C12orf42: variants seen among roughly 807,000 people sequenced by gnomAD.
C12orf42 encodes chromosome 12 open reading frame 42.
C12orf42 carries 25 observed loss-of-function variants against 21.6 expected under a neutral mutation model. The observed-to-expected ratio is 1.16, with a 90% CI of 0.84 to 1.62. C12orf42 has a LOEUF of 1.62. Among genes scored for constraint, C12orf42 ranks in the 40% most tolerant of loss-of-function variants. The pLI is 0.00. For missense variants in C12orf42, 483 were observed against 459.3 expected (o/e 1.05, Z -0.47); for synonymous variants, 174 against 175.0 (o/e 0.99, Z 0.05).
At chr12:103,527,472 T>C in the C12orf42 span, among the ~76,000 whole-genome samples, 4 of 152,208 alleles carry the variant, frequency 2.6e-5, no homozygotes, top group East Asian at 5.8e-4. Context: ...GTCAACATTA[T>C]AGAGCTTCTA....
chr12:103,373,335 T>A (rs1433457760), intron 3 of C12orf42, among the ~76,000 whole-genome samples: 1 of 152,148 alleles, frequency 6.6e-6, no homozygotes, highest in African/African-American at 2.4e-5. Flanking sequence ...AGATTGCAAA[T>A]ATTTAAAAGA....
the C12orf42 span, among the ~76,000 whole-genome samples, chr12:103,551,466 A>G: frequency 2.6e-5 from 4 of 152,146 alleles, no homozygotes; most frequent in Non-Finnish European, 4.4e-5. Context: ...GCAGTGAGCC[A>G]TAATCATGCC....
At position 103,399,797 on chromosome 12, in the gene C12orf42, T is replaced by C. The variant is rs146800843; in HGVS notation, c.147+1810A>G. Among the ~76,000 whole-genome samples, 312 of 152,216 alleles carry C rather than the reference T, an allele frequency of 2.0e-3. 8 individuals are homozygous for C. The East Asian group carries it at 0.052, about 25-fold the overall frequency. ...TGGTCAGTAAATACAATATGTAAGG[T>C]ATAATACTGGAATACATACACACAG... is the stretch of plus-strand genomic sequence containing the variant. On this transcript the variant is annotated intron_variant, in intron 3 of 5. Coordinates refer to ENST00000548883, the MANE Select transcript of C12orf42 (RefSeq NM_198521.5).
the C12orf42 span, among the ~76,000 whole-genome samples, chr12:103,519,432 T>C: frequency 6.6e-6 from 1 of 152,154 alleles, no homozygotes; most frequent in Non-Finnish European, 1.5e-5. Flanking sequence ...TCTCAATAGA[T>C]ATGTTTTTAC....
At chr12:103,441,512 C>A (rs536943613) in intron 2 of C12orf42, 7 of 152,214 alleles carry the variant, frequency 4.6e-5, no homozygotes, top group African/African-American at 1.7e-4. Flanking sequence ...TTTCTGAACT[C>A]GGATATCTCT....
At chr12:103,331,703 T>C (rs1393622118) in intron 4 of C12orf42, among the ~76,000 whole-genome samples, 1 of 152,072 alleles carries the variant, frequency 6.6e-6, no homozygotes, top group African/African-American at 2.4e-5. Flanking sequence ...AATGCAAAAT[T>C]GAACAAAACA....
the C12orf42 span, among the ~76,000 whole-genome samples, chr12:103,521,147 C>A: frequency 6.6e-6 from 1 of 152,192 alleles, no homozygotes; most frequent in Admixed American, 6.5e-5. Flanking sequence ...ATAATTAATT[C>A]AGGGACCATT....
At chr12:103,304,483 A>C (rs1288790592) in intron 5 of C12orf42, among the ~76,000 whole-genome samples, 1 of 152,202 alleles carries the variant, frequency 6.6e-6, no homozygotes, top group African/African-American at 2.4e-5. Flanking sequence ...GAAATGAGAA[A>C]GGAAACTAGC....
At chr12:103,365,695 G>A (rs754194015) in intron 4 of C12orf42, among the ~76,000 whole-genome samples, 2 of 151,854 alleles carry the variant, frequency 1.3e-5, no homozygotes, top group African/African-American at 2.4e-5. Context: ...ACCAAGCTAA[G>A]AATCAAATAA....
downstream of C12orf42, among the ~76,000 whole-genome samples, chr12:103,266,118 C>T (rs1331688788): frequency 6.6e-6 from 1 of 152,186 alleles, no homozygotes; most frequent in East Asian, 1.9e-4. Flanking sequence ...TATTAGCCTC[C>T]TCAAATGCTT....
chr12:103,109,951 A>G, the C12orf42 span, among the ~76,000 whole-genome samples: 1 of 152,220 alleles, frequency 6.6e-6, no homozygotes, highest in African/African-American at 2.4e-5. Context: ...AGTAACCAGG[A>G]AAATTTCAGT....
downstream of C12orf42, among the ~76,000 whole-genome samples, chr12:103,299,351 TATA>T (rs2037507718): frequency 6.6e-6 from 1 of 151,584 alleles, no homozygotes; most frequent in Non-Finnish European, 1.5e-5. Flanking sequence ...TAGCTGTTAT[TATA>T]ATTATTATTT....
intron 2 of C12orf42, among the ~76,000 whole-genome samples, chr12:103,429,115 C>T (rs977197749): frequency 6.6e-6 from 1 of 152,136 alleles, no homozygotes; most frequent in Non-Finnish European, 1.5e-5. Flanking sequence ...GAAGTTCTGG[C>T]CAAGGCAATC....
the C12orf42 span, among the ~76,000 whole-genome samples, chr12:103,131,894 T>C: frequency 6.6e-6 from 1 of 152,126 alleles, no homozygotes; most frequent in Non-Finnish European, 1.5e-5. Context: ...AGGGGTGATG[T>C]TACTGATGGT....
chr12:103,531,346 T>TA, the C12orf42 span, among the ~76,000 whole-genome samples: 1 of 152,222 alleles, frequency 6.6e-6, no homozygotes, highest in African/African-American at 2.4e-5. Context: ...AAAAGGGTCC[T>TA]AAAATTGTGC....
At chr12:103,359,667 A>C (rs570499946) in intron 4 of C12orf42, among the ~76,000 whole-genome samples, 1 of 152,204 alleles carries the variant, frequency 6.6e-6, no homozygotes, top group South Asian at 2.1e-4. Context: ...ATGAAGGGGC[A>C]TGAGACAATT....
the C12orf42 span, among the ~76,000 whole-genome samples, chr12:103,209,829 G>A: frequency 1.3e-5 from 2 of 152,238 alleles, no homozygotes; most frequent in South Asian, 2.1e-4. Context: ...CTATGTATAC[G>A]GTGGAAAGGA....
At chr12:103,075,371 T>G in the C12orf42 span, among the ~76,000 whole-genome samples, 1 of 152,178 alleles carries the variant, frequency 6.6e-6, no homozygotes, top group Non-Finnish European at 1.5e-5. Context: ...TAGAATTCGA[T>G]GTAGATCAAG....
intron 4 of C12orf42, among the ~76,000 whole-genome samples, chr12:103,353,820 C>G (rs941733426): frequency 2.0e-5 from 3 of 152,178 alleles, no homozygotes; most frequent in African/African-American, 7.2e-5. Context: ...GTGGGAACCA[C>G]CAGCCCTTCA....
Sources: allele counts gnomAD v4.1 joint callset (sites outside exome capture counted in the v4.1 genomes callset), GRCh38; gene constraint gnomAD v4.1.1; transcripts MANE v1.5; gene names NCBI Gene and HGNC (gene_info 2026-07-23, HGNC 2026-07-21).